The following CACNA1D variants were observed in gnomAD, a reference collection of about 807,000 sequenced individuals.
CACNA1D encodes the protein voltage-dependent L-type calcium channel subunit alpha-1D.
Under a neutral mutation model 257.1 loss-of-function variants are expected in CACNA1D, and 55 were observed. That is an observed-to-expected ratio of 0.21 (90% CI 0.17 to 0.27). The LOEUF is 0.27. Among genes scored for constraint, CACNA1D ranks in the 10% least tolerant of loss-of-function variants. The pLI is 1.00. For missense variants in CACNA1D, 1,876 were observed against 2,784.0 expected, an observed-to-expected ratio of 0.67 and a Z score of 7.34; for synonymous variants, 980 against 1,014.9, an observed-to-expected ratio of 0.97 and a Z score of 0.65.
In CACNA1D at chr3:53,749,477, TCA is replaced by T. The variant is rs1248881287; in HGVS notation, c.3516+14_3516+15del. 2.5e-6 allele frequency: 4 copies of T among 1,598,640 alleles called. 1 individual carries two copies. In the South Asian group the frequency reaches 4.4e-5, roughly 18 times the overall value. ...GAGCTGGACAAAAATCAGGTTAAAGTCACACACTGTTTTGGCTTCTGTCCCTT... is the reference window on the plus strand; with the variant it reads ...GAGCTGGACAAAAATCAGGTTAAAGTCACACTGTTTTGGCTTCTGTCCCTT... On this transcript the variant is annotated intron_variant, in intron 27 of 47. Coordinates refer to ENST00000350061, the MANE Select transcript of CACNA1D (RefSeq NM_001128840.3).
At position 53,741,778 on chromosome 3, in the gene CACNA1D, A is replaced by G. The variant is rs558661040; in HGVS notation, c.2812-1233A>G. Among the ~76,000 whole-genome samples the G allele has an allele frequency of 2.3e-4, 35 of 152,294 alleles. 1 individual carries two copies. In the South Asian group the frequency reaches 2.7e-3, roughly 12 times the overall value. ...GGTTTTAGAATTTGACTTCTTTTCA[A>G]AGTGAATGGGGAGCTGTTCTACTTA... is the stretch of plus-strand genomic sequence containing the variant. On this transcript the variant is annotated intron_variant, in intron 21 of 47. Coordinates refer to ENST00000350061, the MANE Select transcript of CACNA1D (RefSeq NM_001128840.3).
At chr3:53,549,826 T>C (rs1388684247) in intron 3 of CACNA1D, among the ~76,000 whole-genome samples, 5 of 152,148 alleles carry the variant, frequency 3.3e-5, no homozygotes, top group Non-Finnish European at 5.9e-5. Flanking sequence ...AAATCTAAGT[T>C]GATAGGTGTT....
intron 3 of CACNA1D, among the ~76,000 whole-genome samples, chr3:53,602,341 A>G (rs1385264381): frequency 2.0e-5 from 3 of 152,154 alleles, no homozygotes; most frequent in African/African-American, 7.2e-5. Flanking sequence ...CCACACTTTC[A>G]TTATCTCTTC....
At chr3:53,703,692 G>A (rs1008437530) in intron 9 of CACNA1D, among the ~76,000 whole-genome samples, 6 of 152,194 alleles carry the variant, frequency 3.9e-5, no homozygotes, top group African/African-American at 9.7e-5. Flanking sequence ...ACCCGAGGCC[G>A]GCCCTACGTT....
intron 3 of CACNA1D, among the ~76,000 whole-genome samples, chr3:53,523,551 A>G (rs1357143453): frequency 6.6e-6 from 1 of 152,234 alleles, no homozygotes; most frequent in Non-Finnish European, 1.5e-5. Flanking sequence ...CCATAGGCAC[A>G]TTCCAAGTGC....
At chr3:53,572,374 GTTTA>G (rs200926153) in intron 3 of CACNA1D, among the ~76,000 whole-genome samples, 2,032 of 141,606 alleles carry the variant, frequency 0.014, 43 homozygotes, top group African/African-American at 0.04. Flanking sequence ...TTGTTTGTTT[GTTTA>G]TTTATTTATT....
chr3:53,573,898 ATTG>A (rs1245320737), intron 3 of CACNA1D, among the ~76,000 whole-genome samples: 1 of 152,154 alleles, frequency 6.6e-6, no homozygotes, highest in Non-Finnish European at 1.5e-5. Context: ...TTACATTTGT[ATTG>A]TTGTGTAACC....
chr3:53,748,543 G>A (rs974605759), intron 26 of CACNA1D, among the ~76,000 whole-genome samples: 2 of 152,242 alleles, frequency 1.3e-5, no homozygotes, highest in African/African-American at 4.8e-5. Context: ...GGCAGCTGAG[G>A]AGAAAGGAGC....
At chr3:53,512,691 A>G (rs572717071) in intron 3 of CACNA1D, among the ~76,000 whole-genome samples, 2 of 152,302 alleles carry the variant, frequency 1.3e-5, no homozygotes, top group East Asian at 1.9e-4. Context: ...GGCATCTCCT[A>G]TCTGACCAAG....
At position 53,774,634 on chromosome 3, in the gene CACNA1D, C is replaced by G; in HGVS notation, c.4158C>G (p.Asn1386Lys). 1 of 1,612,998 alleles carries G rather than the reference C, an allele frequency of 6.2e-7. No homozygotes were observed. The highest frequency in any genetic ancestry group is 8.5e-7 in the Non-Finnish European group (1 of 1,178,960). ...GAGATAACAACCAGATCAATAGGAA[C>G]AATAACTTCCAGACGTTTCCCCAGG... is the stretch of plus-strand genomic sequence containing the variant. ...AMRDNNQINRNNNFQTFPQAV... is the reference protein window; with the variant it reads ...AMRDNNQINRKNNFQTFPQAV... Residue 1386 changes from asparagine to lysine, a missense_variant, in exon 34 of 48, where the codon AAC becomes AAG. By Grantham distance (94) the Asn-to-Lys change is moderately conservative. Coordinates refer to ENST00000350061, the MANE Select transcript of CACNA1D (RefSeq NM_001128840.3). This position sits in a 1 kb window ranked among gnomAD's most constrained non-coding sequence, Gnocchi z 4.3.
chr3:53,804,449 G>C (rs998629195), intron 44 of CACNA1D, among the ~76,000 whole-genome samples: 3 of 152,146 alleles, frequency 2.0e-5, no homozygotes, highest in Non-Finnish European at 2.9e-5. Context: ...CCTGCTCTAG[G>C]GCCTTGCTTT....
At chr3:53,670,519 ATTTTTAG>A (rs1559493945) in intron 7 of CACNA1D, among the ~76,000 whole-genome samples, 1 of 151,842 alleles carries the variant, frequency 6.6e-6, no homozygotes, top group African/African-American at 2.4e-5. Context: ...TAATTTTTGT[ATTTTTAG>A]TAGAGACGGG....
At position 53,774,706 on chromosome 3, in the gene CACNA1D, C is replaced by T. The variant is rs578017704; in HGVS notation, c.4202+28C>T. ...GACTGCAACTGGCTTGGGCGGTGCT[C>T]CTGGGCAGGGGGGTCCGCTAGGCGT... On this transcript the variant is annotated intron_variant, in intron 34 of 47. Coordinates refer to ENST00000350061, the MANE Select transcript of CACNA1D (RefSeq NM_001128840.3). The surrounding 1 kb of genome is among the most constrained non-coding windows in gnomAD (Gnocchi z 4.3). The T allele has an allele frequency of 2.3e-5, 32 of 1,410,564 alleles. No homozygotes were observed. Among genetic ancestry groups the T allele is most frequent in the Non-Finnish European group, 2.7e-5 (27 of 994,138 alleles). The allele number at this position is 1,410,564 out of a possible 1,614,324, so 87.4% of individuals were successfully genotyped here. A position where few individuals can be genotyped will look rare whatever the true frequency, so the allele number is the denominator to read the frequency against.
chr3:53,516,524 G>A (rs529533894), intron 3 of CACNA1D, among the ~76,000 whole-genome samples: 1 of 152,352 alleles, frequency 6.6e-6, no homozygotes, highest in South Asian at 2.1e-4. Flanking sequence ...CACTGGGTGA[G>A]TGGTGCTGCA....
chr3:53,511,643 T>G (rs1389008060), intron 3 of CACNA1D, among the ~76,000 whole-genome samples: 1 of 152,256 alleles, frequency 6.6e-6, no homozygotes, highest in Admixed American at 6.5e-5. Context: ...TTCTCATTTC[T>G]ATAAAAACGC....
rs184190376 is a variant in CACNA1D at position 53,622,594 on chromosome 3, C to G, written c.484-28185C>G. Among the ~76,000 whole-genome samples the G allele has an allele frequency of 4.7e-3, 719 of 152,034 alleles. 6 individuals carry two copies. Among genetic ancestry groups the G allele is most frequent in the African/African-American group, 0.016 (669 of 41,444 alleles). ...GATGAGAACACATGGACACAGAGGGCAACAACACACACTGGGTCCTTTTGG... is the reference window on the plus strand; with the variant it reads ...GATGAGAACACATGGACACAGAGGGGAACAACACACACTGGGTCCTTTTGG... On this transcript the variant is annotated intron_variant, in intron 3 of 47. Transcript: ENST00000350061.
At chr3:53,735,526 G>T in intron 20 of CACNA1D, 23 bp downstream of exon 20, 1 of 1,613,044 alleles carries the variant, frequency 6.2e-7, no homozygotes, top group South Asian at 1.1e-5. Flanking sequence ...GGTGGGGCTC[G>T]CTCTGGGATA....
At chr3:53,663,117 C>T (rs1008569993) in intron 5 of CACNA1D, among the ~76,000 whole-genome samples, 13 of 152,180 alleles carry the variant, frequency 8.5e-5, no homozygotes, top group Admixed American at 7.9e-4. Context: ...AAGGCAGGGT[C>T]GTGCTGAGTC....
chr3:53,648,663 T>C (rs1034303877), intron 3 of CACNA1D, among the ~76,000 whole-genome samples: 1 of 151,744 alleles, frequency 6.6e-6, no homozygotes, highest in African/African-American at 2.4e-5. Flanking sequence ...TGGCATTTCA[T>C]GTAGCTGTAT....
Sources: gnomAD v4.1 joint callset for allele counts (sites outside exome capture counted in the v4.1 genomes callset) on GRCh38, gnomAD v4.1.1 for gene constraint, Gnocchi (gnomAD v3.1) non-coding constraint, MANE v1.5 for transcripts, NCBI Gene and HGNC (gene_info 2026-07-23, HGNC 2026-07-21) for gene names.